ANKRD62: variants seen among roughly 807,000 people sequenced by gnomAD.
ANKRD62 encodes ankyrin repeat domain 62, also known as ankyrin repeat domain-containing protein 62.
A neutral mutation model predicts 98.8 loss-of-function variants in ANKRD62; 61 were observed. That is an observed-to-expected ratio of 0.62 (90% CI 0.50 to 0.76). The LOEUF is 0.76. Ranked by LOEUF, ANKRD62 falls within the 30% of genes least tolerant of loss-of-function variation. ANKRD62 has a pLI of 0.00. For missense variants in ANKRD62, 933 were observed against 1,082.9 expected (o/e 0.86, Z 1.94); for synonymous variants, 341 against 367.9 (o/e 0.93, Z 0.84).
At chr18:12,126,432 T>G in intron 13 of ANKRD62, 49 bp downstream of exon 13, 1 of 1,373,096 alleles carries the variant, frequency 7.3e-7, no homozygotes. Flanking sequence ...GAAGTAAAAT[T>G]TAAAGTATAT....
At chr18:12,173,647 A>C in the ANKRD62 span, among the ~76,000 whole-genome samples, 1 of 152,136 alleles carries the variant, frequency 6.6e-6, no homozygotes, top group South Asian at 2.1e-4. Flanking sequence ...TTTCATATTG[A>C]GTGCTCTTAT....
intron 4 of ANKRD62, among the ~76,000 whole-genome samples, chr18:12,096,531 A>G (rs1289653688): frequency 6.6e-6 from 1 of 152,170 alleles, no homozygotes; most frequent in Non-Finnish European, 1.5e-5. Flanking sequence ...ATGTTTGTTG[A>G]TGGATGAGGT....
At chr18:12,177,342 T>C in the ANKRD62 span, among the ~76,000 whole-genome samples, 3,335 of 150,264 alleles carry the variant, frequency 0.022, 1 homozygote, top group African/African-American at 0.079. Flanking sequence ...GAGAAGGAAA[T>C]GGGGAAGACA....
chr18:12,158,570 G>C, the ANKRD62 span, among the ~76,000 whole-genome samples: 1 of 151,128 alleles, frequency 6.6e-6, no homozygotes, highest in Admixed American at 6.6e-5. Context: ...GTGTCGCCCT[G>C]GCTGGAGTGC....
intron 6 of ANKRD62, among the ~76,000 whole-genome samples, chr18:12,100,976 C>G (rs1397183015): frequency 1.3e-5 from 2 of 152,140 alleles, no homozygotes; most frequent in Non-Finnish European, 2.9e-5. Flanking sequence ...TGAAGTAGGA[C>G]ACATGCTGTG....
the ANKRD62 span, among the ~76,000 whole-genome samples, chr18:12,158,501 A>T: frequency 6.6e-6 from 1 of 151,464 alleles, no homozygotes. Context: ...ATACCCTACA[A>T]AATTGCTTTA....
chr18:12,134,199 G>A (rs185915375), downstream of ANKRD62, among the ~76,000 whole-genome samples: 4 of 152,226 alleles, frequency 2.6e-5, no homozygotes, highest in Admixed American at 2.6e-4. Context: ...TTTAATAAAT[G>A]GCATAAGATA....
the ANKRD62 span, among the ~76,000 whole-genome samples, chr18:12,138,640 G>A: frequency 1.3e-5 from 2 of 152,018 alleles, no homozygotes; most frequent in Non-Finnish European, 2.9e-5. Context: ...AATGTTGACA[G>A]TGGGGTGTTA....
At chr18:12,174,755 T>C in the ANKRD62 span, among the ~76,000 whole-genome samples, 1 of 152,204 alleles carries the variant, frequency 6.6e-6, no homozygotes, top group African/African-American at 2.4e-5. Context: ...CTGGAAGATT[T>C]TATGGGCCCA....
intron 12 of ANKRD62, 83 bp from the exon 13 acceptor site, chr18:12,125,377 G>T: frequency 7.7e-7 from 1 of 1,297,096 alleles, no homozygotes. Context: ...AAACGTACAG[G>T]TTATTACTTA....
chr18:12,136,729 G>A, the ANKRD62 span, among the ~76,000 whole-genome samples: 1 of 152,148 alleles, frequency 6.6e-6, no homozygotes, highest in East Asian at 1.9e-4. Context: ...TTGAGCAGTG[G>A]TTTGTAGTTT....
At chr18:12,110,201 C>T (rs889288672) in intron 8 of ANKRD62, among the ~76,000 whole-genome samples, 2 of 152,138 alleles carry the variant, frequency 1.3e-5, no homozygotes, top group African/African-American at 2.4e-5. Context: ...TTTGCATTGT[C>T]ACTTTTTATT....
intron 4 of ANKRD62, 71 bp from the exon 5 acceptor site, chr18:12,097,569 A>C (rs540581698): frequency 7.0e-7 from 1 of 1,432,148 alleles, no homozygotes; most frequent in East Asian, 2.5e-5. Flanking sequence ...AAATTGGTAA[A>C]GTTTATAAAT....
the ANKRD62 span, among the ~76,000 whole-genome samples, chr18:12,139,809 C>G: frequency 1.2e-4 from 19 of 152,114 alleles, no homozygotes; most frequent in African/African-American, 4.1e-4. Context: ...TTTGGTGAAT[C>G]TGACAATTAT....
At chr18:12,106,103 T>C (rs1210386858) in intron 7 of ANKRD62, among the ~76,000 whole-genome samples, 1 of 152,192 alleles carries the variant, frequency 6.6e-6, no homozygotes, top group Non-Finnish European at 1.5e-5. Flanking sequence ...ACTCAATATG[T>C]TAAGGCTTAC....
chr18:12,169,396 GT>G, the ANKRD62 span, among the ~76,000 whole-genome samples: 153 of 152,190 alleles, frequency 1.0e-3, no homozygotes, highest in Non-Finnish European at 1.8e-3. Context: ...TAATCATGTG[GT>G]TTTTGTCTTT....
At chr18:12,114,498 G>A (rs1909616647) in intron 8 of ANKRD62, among the ~76,000 whole-genome samples, 1 of 152,160 alleles carries the variant, frequency 6.6e-6, no homozygotes, top group Admixed American at 6.5e-5. Context: ...ACAGTTTTAT[G>A]TGTTTGGGCA....
At chr18:12,108,878 A>G (rs1404095200) in intron 8 of ANKRD62, among the ~76,000 whole-genome samples, 1 of 152,164 alleles carries the variant, frequency 6.6e-6, no homozygotes, top group East Asian at 1.9e-4. Context: ...CTCCTAAATG[A>G]TCTCCTTTGA....
At chr18:12,133,778 T>G, downstream of ANKRD62, among the ~76,000 whole-genome samples, 1 of 152,196 alleles carries the variant, frequency 6.6e-6, no homozygotes, top group Middle Eastern at 3.2e-3. Context: ...GAATGTATTT[T>G]TTTACACTTT....
Sources: gnomAD v4.1 joint callset for allele counts (sites outside exome capture counted in the v4.1 genomes callset) on GRCh38, gnomAD v4.1.1 for gene constraint, MANE v1.5 for transcripts, NCBI Gene and HGNC (gene_info 2026-07-23, HGNC 2026-07-21) for gene names.